Variants in SSPN observed in about 807,000 individuals in gnomAD.
SSPN encodes K-ras oncogene-associated protein.
Under a neutral mutation model 19.1 loss-of-function variants are expected in SSPN, and 15 were observed. The ratio of observed to expected loss-of-function variants is 0.78; its 90% CI spans 0.52 to 1.21. The LOEUF (loss-of-function observed/expected upper bound fraction) is 1.21, where lower values mean the gene tolerates loss of function less well. Among genes scored for constraint, SSPN ranks in the 50% most tolerant of loss-of-function variants. SSPN has a pLI of 0.00. For synonymous variants in SSPN, 147 were observed against 140.3 expected, an observed-to-expected ratio of 1.05 and a Z score of -0.34; for missense variants, 291 against 314.0, an observed-to-expected ratio of 0.93 and a Z score of 0.55.
intron 2 of SSPN, among the ~76,000 whole-genome samples, chr12:26,226,476 T>A (rs950609885): frequency 3.9e-5 from 6 of 151,962 alleles, no homozygotes; most frequent in African/African-American, 1.5e-4. Context: ...ACCCTCCCTT[T>A]CGCTTAGAGA....
At chr12:26,175,645 A>C (rs1944678875) in intron 1 of SSPN, among the ~76,000 whole-genome samples, 1 of 152,188 alleles carries the variant, frequency 6.6e-6, no homozygotes, top group East Asian at 1.9e-4. Flanking sequence ...AGGTGATGCC[A>C]AAATTTTAGC....
chr12:26,210,792 G>A (rs908852046), intron 1 of SSPN, among the ~76,000 whole-genome samples: 1 of 152,072 alleles, frequency 6.6e-6, no homozygotes, highest in African/African-American at 2.4e-5. Flanking sequence ...TAGGGAGAGA[G>A]TTTTCCTATA....
At chr12:26,223,880 A>G (rs1433586025) in intron 1 of SSPN, among the ~76,000 whole-genome samples, 1 of 152,214 alleles carries the variant, frequency 6.6e-6, no homozygotes, top group South Asian at 2.1e-4. Flanking sequence ...GAAGCCTTTT[A>G]TATCGCCCAA....
At chr12:26,164,090 A>G (rs1944606384) in intron 1 of SSPN, among the ~76,000 whole-genome samples, 1 of 152,266 alleles carries the variant, frequency 6.6e-6, no homozygotes, top group Non-Finnish European at 1.5e-5. Context: ...CCCCGTAAGC[A>G]GATCACTCAA....
chr12:26,128,230 G>A (rs1944378015), intron 1 of SSPN, among the ~76,000 whole-genome samples: 1 of 152,182 alleles, frequency 6.6e-6, no homozygotes, highest in South Asian at 2.1e-4. Context: ...GCACATTTGT[G>A]TGTGTGTGTG....
chr12:26,201,021 A>ATATAT (rs1944874305), intron 1 of SSPN, among the ~76,000 whole-genome samples: 1 of 43,772 alleles, frequency 2.3e-5, no homozygotes, highest in Non-Finnish European at 3.9e-5. Flanking sequence ...GTATATATAT[A>ATATAT]TATATATATA....
chr12:26,225,875 T>G (rs1945170985), intron 2 of SSPN, among the ~76,000 whole-genome samples: 1 of 152,038 alleles, frequency 6.6e-6, no homozygotes, highest in South Asian at 2.1e-4. Context: ...TACCCTCATT[T>G]TCCCCCCAGA....
intron 1 of SSPN, among the ~76,000 whole-genome samples, chr12:26,137,208 T>C (rs1565669271): frequency 6.6e-6 from 1 of 152,210 alleles, no homozygotes; most frequent in Admixed American, 6.5e-5. Context: ...TTTGTCCATG[T>C]CACACAAATA....
rs951075868 is a variant in SSPN, at chr12:26,231,783, A to G, written c.*707A>G. 20 of 300,434 alleles carry G rather than the reference A, an allele frequency of 6.7e-5. No homozygotes were observed. Among genetic ancestry groups the G allele is most frequent in the Middle Eastern group, 1.7e-3 (1 of 588 alleles). The allele number at this position is 300,434 out of a possible 1,614,324, so 18.6% of individuals were successfully genotyped here. ...TGAAAGGTGGTGGTAGTTGTATTCT[A>G]AATGATGTAGAAGGTTTAAAAATAA... On this transcript the variant is annotated 3_prime_UTR_variant, in exon 3 of 3. Coordinates refer to ENST00000242729, the MANE Select transcript of SSPN (RefSeq NM_005086.5).
At chr12:26,168,587 T>G (rs1195817615) in intron 1 of SSPN, among the ~76,000 whole-genome samples, 1 of 152,222 alleles carries the variant, frequency 6.6e-6, no homozygotes, top group Non-Finnish European at 1.5e-5. Flanking sequence ...ATCTAATAAG[T>G]ATTTATTGAG....
rs184267792 is a variant in SSPN, at chr12:26,137,618, A to G, written c.-31+15466A>G. ...TATATATATACACATATACATATATATGTGTGTGTGTGTGTATGTATATAT... is the reference window on the plus strand; with the variant it reads ...TATATATATACACATATACATATATGTGTGTGTGTGTGTGTATGTATATAT... On this transcript the variant is annotated intron_variant, in intron 1 of 2. Coordinates refer to the SSPN transcript ENST00000538142. Among the ~76,000 whole-genome samples, 924 of 116,304 alleles carry G rather than the reference A, an allele frequency of 7.9e-3. 4 individuals are homozygous for G. The highest frequency in any genetic ancestry group is 0.012 in the Non-Finnish European group (732 of 59,542). 76.3% of individuals were successfully genotyped at this position (116,304 alleles called of 152,430 possible).
chr12:26,191,279 T>C (rs1378041257), upstream of SSPN, among the ~76,000 whole-genome samples: 1 of 152,174 alleles, frequency 6.6e-6, no homozygotes, highest in Non-Finnish European at 1.5e-5. Context: ...ATAGGTGAAA[T>C]GCATGATTAA....
At chr12:26,224,249 A>G (rs1368553948) in intron 1 of SSPN, 44 bp from the exon 2 acceptor site, 2 of 1,413,398 alleles carry the variant, frequency 1.4e-6, no homozygotes, top group Admixed American at 1.7e-5. Context: ...TTGAACGCAC[A>G]ACGTACCCTG....
chr12:26,126,434 T>C (rs1449498242), intron 1 of SSPN: 1 of 152,178 alleles, frequency 6.6e-6, no homozygotes, highest in African/African-American at 2.4e-5. Flanking sequence ...CGTTGATTAT[T>C]GCCGGTGATA....
At chr12:26,144,482 C>T (rs1174544119) in intron 1 of SSPN, among the ~76,000 whole-genome samples, 3 of 152,134 alleles carry the variant, frequency 2.0e-5, no homozygotes, top group South Asian at 2.1e-4. Flanking sequence ...CAAGGTAAGG[C>T]GTGGTTTTCA....
intron 1 of SSPN, chr12:26,122,225 G>A (rs1165412801): frequency 1.5e-5 from 20 of 1,297,510 alleles, no homozygotes; most frequent in Non-Finnish European, 2.0e-5. Flanking sequence ...GGAGGGTCGC[G>A]GCGGCGGCGC....
At chr12:26,208,014 G>A (rs1375304390) in intron 1 of SSPN, among the ~76,000 whole-genome samples, 1 of 106,008 alleles carries the variant, frequency 9.4e-6, no homozygotes, top group Non-Finnish European at 2.0e-5. Context: ...GAAAGTGGTG[G>A]TGGTGGGGGG....
chr12:26,165,984 T>C (rs1051392410), intron 1 of SSPN, among the ~76,000 whole-genome samples: 1 of 152,192 alleles, frequency 6.6e-6, no homozygotes, highest in African/African-American at 2.4e-5. Context: ...AGATCACCTC[T>C]TGTACAGCCC....
chr12:26,201,813 T>C (rs1430230970), intron 1 of SSPN, among the ~76,000 whole-genome samples: 3 of 152,198 alleles, frequency 2.0e-5, no homozygotes, highest in Non-Finnish European at 2.9e-5. Context: ...CTTTAAGTAA[T>C]ATTCTCAGGG....
Sources: allele counts gnomAD v4.1 joint callset (sites outside exome capture counted in the v4.1 genomes callset), GRCh38; gene constraint gnomAD v4.1.1; transcripts MANE v1.5; gene names NCBI Gene and HGNC (gene_info 2026-07-23, HGNC 2026-07-21).